Variants in MIDEAS observed in about 807,000 individuals in gnomAD.
The protein encoded by MIDEAS is mitotic deacetylase associated SANT domain protein.
In MIDEAS, 26 loss-of-function variants were observed where a neutral mutation model predicts 102.7. The observed-to-expected ratio is 0.25, with a 90% CI of 0.19 to 0.35. The LOEUF is 0.35. MIDEAS is among the 10% of genes least tolerant of loss of function. The pLI is 1.00. For synonymous variants in MIDEAS, 585 were observed against 591.0 expected, an observed-to-expected ratio of 0.99 and a Z score of 0.15; for missense variants, 1,231 against 1,435.6, an observed-to-expected ratio of 0.86 and a Z score of 2.30.
intron 1 of MIDEAS, among the ~76,000 whole-genome samples, chr14:73,747,046 C>CT (rs1477542542): frequency 6.6e-6 from 1 of 152,206 alleles, no homozygotes; most frequent in African/African-American, 2.4e-5. Context: ...AGAGCTGTTC[C>CT]TTCTGCCTGG....
intron 9 of MIDEAS, chr14:73,724,773 G>A (rs1279004093): frequency 6.3e-6 from 1 of 159,050 alleles, no homozygotes; most frequent in East Asian, 1.8e-4. Context: ...TTTTCCAGAA[G>A]AATATGGAGA....
intron 3 of MIDEAS, among the ~76,000 whole-genome samples, chr14:73,731,291 A>G (rs897870758): frequency 5.3e-5 from 8 of 152,210 alleles, no homozygotes; most frequent in Non-Finnish European, 8.8e-5. Flanking sequence ...GGGCCTTAAA[A>G]TAATGAGCTG....
intron 4 of MIDEAS, 93 bp downstream of exon 4, chr14:73,729,547 A>G (rs936058168): frequency 1.8e-5 from 19 of 1,043,828 alleles, no homozygotes; most frequent in Non-Finnish European, 2.6e-5. Context: ...AGAGTGTTCC[A>G]GCCCAATCCC....
At chr14:73,783,860 C>T (rs1262811913) in intron 1 of MIDEAS, among the ~76,000 whole-genome samples, 1 of 152,148 alleles carries the variant, frequency 6.6e-6, no homozygotes, top group Non-Finnish European at 1.5e-5. Context: ...GACTAGAATG[C>T]CCTCTTTAGC....
At chr14:73,772,735 C>T (rs944171353) in intron 1 of MIDEAS, among the ~76,000 whole-genome samples, 17 of 150,968 alleles carry the variant, frequency 1.1e-4, no homozygotes, top group African/African-American at 4.2e-4. Context: ...TTCTTAAATT[C>T]TCAAGAGCAA....
rs1223535823 is a variant in MIDEAS, at chr14:73,726,954, G to A, written c.2181C>T (p.Ser727=). 6.2e-7 allele frequency: 1 copy of A among 1,612,122 alleles called. No homozygotes were observed. Among genetic ancestry groups the A allele is most frequent in the Admixed American group, 1.7e-5 (1 of 59,880 alleles). ...TCAAGGGGATTTCTGCCTGGAACCG[G>A]GAGCCCACGTTGATCCGTCTAGAGG... ...VSIEPRINVG[S]RFQAEIPLMR... is the part of the protein sequence containing the mutation. The change falls in exon 6 of 13, where the codon TCC becomes TCT. Residue 727 remains serine (S), a synonymous_variant. Coordinates refer to ENST00000423556, the MANE Select transcript of MIDEAS (RefSeq NM_001367710.1).
At chr14:73,771,837 G>A (rs1018222958) in intron 1 of MIDEAS, among the ~76,000 whole-genome samples, 24 of 152,224 alleles carry the variant, frequency 1.6e-4, no homozygotes, top group African/African-American at 5.5e-4. Context: ...ACCTCACTAG[G>A]GCCCCACCTG....
chr14:73,787,284 C>G (rs2053824354), upstream of MIDEAS: 4 of 149,010 alleles, frequency 2.7e-5, no homozygotes, highest in African/African-American at 7.3e-5. Flanking sequence ...GCGCAGGGCC[C>G]TGCAGCCAGC....
rs373037536 is a variant in MIDEAS, at chr14:73,727,543, G to A, written c.2096-19C>T. ...GCACTGTCTATGGGACAAAGAGCAG[G>A]TTGATAAATAGCACCCCCCTTTCAG... On this transcript the variant is annotated intron_variant, in intron 4 of 12. Transcript: ENST00000423556. The A allele has an allele frequency of 2.4e-4, 380 of 1,591,238 alleles. 2 individuals carry two copies. The highest frequency in any genetic ancestry group is 1.8e-3 in the Middle Eastern group (11 of 5,954).
intron 1 of MIDEAS, among the ~76,000 whole-genome samples, chr14:73,780,853 A>G (rs115766454): frequency 1.9e-3 from 290 of 152,346 alleles, no homozygotes; most frequent in African/African-American, 6.6e-3. Context: ...TAAGACTACA[A>G]TGAGATAATA....
chr14:73,754,811 C>T (rs1300474524), intron 1 of MIDEAS: 1 of 152,142 alleles, frequency 6.6e-6, no homozygotes, highest in South Asian at 2.1e-4. Flanking sequence ...GCCTTACCTA[C>T]TAAAGAAATG....
intron 1 of MIDEAS, among the ~76,000 whole-genome samples, chr14:73,747,765 C>G (rs948505619): frequency 2.0e-5 from 3 of 152,094 alleles, no homozygotes; most frequent in Non-Finnish European, 2.9e-5. Context: ...TGCCCATGCA[C>G]TGGAGCAGGG....
At chr14:73,719,120 G>A (rs922517072) in intron 12 of MIDEAS, 112 bp from the exon 13 acceptor site, 18 of 1,460,928 alleles carry the variant, frequency 1.2e-5, no homozygotes, top group Non-Finnish European at 1.2e-5. Flanking sequence ...CACAGCCGCG[G>A]CCGGCCAGCT....
At chr14:73,775,889 C>A (rs908774530) in intron 1 of MIDEAS, among the ~76,000 whole-genome samples, 1 of 151,852 alleles carries the variant, frequency 6.6e-6, no homozygotes, top group East Asian at 1.9e-4. Flanking sequence ...CAGCCCCAGG[C>A]AAACAAAGCT....
intron 1 of MIDEAS, among the ~76,000 whole-genome samples, chr14:73,785,078 A>G (rs949784318): frequency 6.6e-6 from 1 of 152,238 alleles, no homozygotes; most frequent in Non-Finnish European, 1.5e-5. Context: ...GAGGCTGCCC[A>G]TGCCCAGCAT....
chr14:73,741,287 G>A (rs1213107894), intron 1 of MIDEAS, among the ~76,000 whole-genome samples: 2 of 152,066 alleles, frequency 1.3e-5, no homozygotes, highest in East Asian at 3.9e-4. Context: ...ACAGAATCTA[G>A]ACCTGTATTT....
intron 12 of MIDEAS, 137 bp from the exon 13 acceptor site, chr14:73,719,145 A>C: frequency 2.7e-6 from 4 of 1,463,230 alleles, no homozygotes; most frequent in Non-Finnish European, 3.6e-6. Context: ...TCATTTTCCG[A>C]AAGCTGCCCC....
intron 1 of MIDEAS, among the ~76,000 whole-genome samples, chr14:73,767,309 A>G (rs911781066): frequency 2.0e-5 from 3 of 152,176 alleles, no homozygotes; most frequent in Admixed American, 6.5e-5. Flanking sequence ...TATGATGCCC[A>G]TTATCTGAGC....
chr14:73,740,413 G>A (rs1244013212), intron 1 of MIDEAS, among the ~76,000 whole-genome samples, 158 bp from the exon 2 acceptor site: 1 of 152,170 alleles, frequency 6.6e-6, no homozygotes. Flanking sequence ...GGTGAGGCAG[G>A]AGCCAGGACT....
Sources: allele counts gnomAD v4.1 joint callset (sites outside exome capture counted in the v4.1 genomes callset), GRCh38; gene constraint gnomAD v4.1.1; transcripts MANE v1.5; gene names NCBI Gene and HGNC (gene_info 2026-07-23, HGNC 2026-07-21).